Variants in FBXO31 observed in about 807,000 individuals in gnomAD.
FBXO31 encodes the protein F-box protein 31.
A neutral mutation model predicts 54.4 loss-of-function variants in FBXO31; 24 were observed. That is an observed-to-expected ratio of 0.44 (90% CI 0.32 to 0.62). The LOEUF is 0.62. Ranked by LOEUF, FBXO31 falls within the 20% of genes least tolerant of loss-of-function variation. The probability of loss-of-function intolerance (pLI) is 0.05; values close to 1 mark genes in which losing one functional copy is unlikely to be tolerated. For synonymous variants in FBXO31, 388 were observed against 335.6 expected (o/e 1.16, Z -1.71); for missense variants, 665 against 787.1 (o/e 0.84, Z 1.86).
intron 2 of FBXO31, 57 bp downstream of exon 2, chr16:87,360,238 C>T (rs753553294): frequency 2.8e-5 from 41 of 1,461,062 alleles, no homozygotes; most frequent in Non-Finnish European, 3.7e-5. Context: ...CATTGATGTG[C>T]ACTGTCTGCT....
At position 87,383,640 on chromosome 16, in the gene FBXO31, C is replaced by T. The variant is rs1907189419; in HGVS notation, c.105G>A (p.Pro35=). The T allele has an allele frequency of 1.5e-6, 2 of 1,363,668 alleles. No individual in the cohort carries two copies. The highest frequency in any genetic ancestry group is 3.3e-5 in the Admixed American group (1 of 30,018). The allele number at this position is 1,363,668 out of a possible 1,614,324, so 84.5% of individuals were successfully genotyped here. The change falls in exon 1 of 9, where the codon CCG becomes CCA. Residue 35 remains proline (P), a synonymous_variant. Transcript: ENST00000311635. This position sits in a 1 kb window ranked among gnomAD's most constrained non-coding sequence, Gnocchi z 4.9. The part of the protein sequence containing the change: ...PAETAAADSE[P]DTDPEEERIE... ...TGCGCTCCTCCTCGGGGTCTGTGTCCGGCTCGCTGTCGGCCGCCGCCGTCT... is the reference window on the plus strand; with the variant it reads ...TGCGCTCCTCCTCGGGGTCTGTGTCTGGCTCGCTGTCGGCCGCCGCCGTCT...
intron 1 of FBXO31, among the ~76,000 whole-genome samples, chr16:87,364,735 C>T (rs1242941264): frequency 6.6e-6 from 1 of 151,890 alleles, no homozygotes; most frequent in South Asian, 2.1e-4. Flanking sequence ...TTGCAGATTA[C>T]AAAACATTTT....
At chr16:87,369,434 G>A (rs1906503320) in intron 1 of FBXO31, among the ~76,000 whole-genome samples, 5 of 152,194 alleles carry the variant, frequency 3.3e-5, no homozygotes, top group Admixed American at 3.3e-4. Flanking sequence ...GTGGAAGCAT[G>A]CCGTACTTGT....
intron 3 of FBXO31, among the ~76,000 whole-genome samples, 193 bp from the exon 4 acceptor site, chr16:87,343,958 G>A (rs989712249): frequency 6.6e-6 from 1 of 152,262 alleles, no homozygotes; most frequent in Middle Eastern, 3.2e-3. Flanking sequence ...TGGACACCAG[G>A]AGGAGGCAGA....
Position 87,338,004 on chromosome 16 carries a change from T to C in FBXO31, c.733-1740A>G, listed in dbSNP as rs138322759. ...GAGGAAAGGCTCTTTAAATAACAGA[T>C]AGAAACAAAAGTAACTGAATGTAAT... On this transcript the variant is annotated intron_variant, in intron 5 of 8. Coordinates refer to ENST00000311635, the MANE Select transcript of FBXO31 (RefSeq NM_024735.5). The surrounding 1 kb of genome is among the most constrained non-coding windows in gnomAD (Gnocchi z 4.3). 2.0e-5 allele frequency among the ~76,000 whole-genome samples: 3 copies of C among 152,050 alleles called. No individual in the cohort carries two copies. The highest frequency in any genetic ancestry group is 2.9e-5 in the Non-Finnish European group (2 of 68,006).
At chr16:87,353,353 G>T (rs913726346) in intron 2 of FBXO31, among the ~76,000 whole-genome samples, 2 of 152,244 alleles carry the variant, frequency 1.3e-5, no homozygotes, top group Admixed American at 1.3e-4. Flanking sequence ...CCCCATTACT[G>T]TGGAGGCTGG....
rs771680404 is a variant in FBXO31, at chr16:87,335,358, C to T, written c.942G>A (p.Leu314=). The change falls in exon 7 of 9, where the codon CTG becomes CTA. Residue 314 remains leucine, a synonymous_variant. Transcript: ENST00000311635. This position sits in a 1 kb window ranked among gnomAD's most constrained non-coding sequence, Gnocchi z 5.7. ...CGTGGAAGCTGAGCATCACAATCTC[C>T]AGGCCGTGGCTGCCATAGGTACCTT... ...LFKGTYGSHG[L]EIVMLSFHGR... is the part of the protein sequence containing the mutation. 1 of 1,614,022 alleles carries T rather than the reference C, an allele frequency of 6.2e-7. No individual in the cohort carries two copies. Among genetic ancestry groups the T allele is most frequent in the Admixed American group, 1.7e-5 (1 of 60,032 alleles).
chr16:87,350,617 T>C (rs1905610607), intron 2 of FBXO31, among the ~76,000 whole-genome samples: 1 of 152,324 alleles, frequency 6.6e-6, no homozygotes, highest in East Asian at 1.9e-4. Context: ...CACAGATGGC[T>C]GCAGGGATGG....
rs765863600 is a variant in FBXO31, at chr16:87,346,632, C to T, written c.489+542G>A. Among the ~76,000 whole-genome samples the T allele has an allele frequency of 5.3e-5, 8 of 152,314 alleles. No individual in the cohort carries two copies. The highest frequency in any genetic ancestry group is 1.4e-4 in the African/African-American group (6 of 41,574). ...CGACTCTGCCACCAGCCTGGACTTC[C>T]GCCTGCAACGTTCTAGCACTTTCTA... is the stretch of plus-strand genomic sequence containing the variant. On this transcript the variant is annotated intron_variant, in intron 3 of 8. Transcript: ENST00000311635. This position sits in a 1 kb window ranked among gnomAD's most constrained non-coding sequence, Gnocchi z 4.2.
In FBXO31 at chr16:87,331,190, CAAAAG is replaced by C; in HGVS notation, c.*93_*97del. On this transcript the variant is annotated 3_prime_UTR_variant, in exon 9 of 9. Transcript: ENST00000311635. Reference sequence around the variant, plus strand: ...CCCCCGACGAGGTGTGCGTTCTGGTCAAAAGGCCGGATTTCCAAAGTGCATGCTGC... The same window carrying C: ...CCCCCGACGAGGTGTGCGTTCTGGTCGCCGGATTTCCAAAGTGCATGCTGC... The C allele has an allele frequency of 1.6e-6, 2 of 1,289,352 alleles. No individual in the cohort carries two copies. The highest frequency in any genetic ancestry group is 1.4e-5 in the South Asian group (1 of 73,234). The allele number at this position is 1,289,352 out of a possible 1,614,324, so 79.9% of individuals were successfully genotyped here.
In FBXO31 at chr16:87,360,403, C is replaced by T. The variant is rs76089114; in HGVS notation, c.341-37G>A. 4.4e-3 allele frequency: 6,989 copies of T among 1,592,532 alleles called. 22 individuals are homozygous for T. Among genetic ancestry groups the T allele is most frequent in the Non-Finnish European group, 5.1e-3 (5,947 of 1,162,058 alleles). On this transcript the variant is annotated intron_variant, in intron 1 of 8. Transcript: ENST00000311635. ...AACATTTGCAGAAATTTAAGATCAACAACTCATAACGCGACAGACGTGGGC... is the reference window on the plus strand; with the variant it reads ...AACATTTGCAGAAATTTAAGATCAATAACTCATAACGCGACAGACGTGGGC...
At chr16:87,387,936 A>G (rs1907382683), upstream of FBXO31, among the ~76,000 whole-genome samples, 1 of 152,246 alleles carries the variant, frequency 6.6e-6, no homozygotes, top group African/African-American at 2.4e-5. Flanking sequence ...AAGAAGGGAA[A>G]ATATTCAAAC....
At chr16:87,375,103 G>C (rs1477100117) in intron 1 of FBXO31, among the ~76,000 whole-genome samples, 1 of 152,176 alleles carries the variant, frequency 6.6e-6, no homozygotes, top group African/African-American at 2.4e-5. Flanking sequence ...CGGATCACAA[G>C]GTTAGGAGAT....
At chr16:87,375,939 C>T (rs1020550807) in intron 1 of FBXO31, among the ~76,000 whole-genome samples, 12 of 152,188 alleles carry the variant, frequency 7.9e-5, no homozygotes, top group African/African-American at 2.7e-4. Context: ...ACTCCACTTC[C>T]CCACATGCAG....
intron 8 of FBXO31, among the ~76,000 whole-genome samples, chr16:87,332,461 G>T (rs2150667128): frequency 6.6e-6 from 1 of 152,328 alleles, no homozygotes; most frequent in East Asian, 1.9e-4. Flanking sequence ...TGAGGTATTA[G>T]GAGTTCTGAG....
At chr16:87,363,498 G>C (rs959477208) in intron 1 of FBXO31, among the ~76,000 whole-genome samples, 5 of 152,220 alleles carry the variant, frequency 3.3e-5, no homozygotes, top group African/African-American at 9.7e-5. Context: ...GGAGGACCAA[G>C]GACTGGTAAG....
chr16:87,390,851 G>A (rs1034256485), upstream of FBXO31, among the ~76,000 whole-genome samples: 1 of 152,094 alleles, frequency 6.6e-6, no homozygotes, highest in Non-Finnish European at 1.5e-5. Context: ...CCCAGCCTCT[G>A]CCTCCCTGAG....
rs965027942 is a variant in FBXO31, at chr16:87,335,075, C to G, written c.996+229G>C. Among the ~76,000 whole-genome samples, 8 of 152,240 alleles carry G rather than the reference C, an allele frequency of 5.3e-5. No homozygotes were observed. Among genetic ancestry groups the G allele is most frequent in the Non-Finnish European group, 7.3e-5 (5 of 68,042 alleles). ...CTGAGCGGTGCTGTGGGAAGGCCACCTTGGAAGCACACAGACTCCCTGAGG... is the reference window on the plus strand; with the variant it reads ...CTGAGCGGTGCTGTGGGAAGGCCACGTTGGAAGCACACAGACTCCCTGAGG... On this transcript the variant is annotated intron_variant, in intron 7 of 8. Coordinates refer to ENST00000311635, the MANE Select transcript of FBXO31 (RefSeq NM_024735.5). This position sits in a 1 kb window ranked among gnomAD's most constrained non-coding sequence, Gnocchi z 5.7.
intron 1 of FBXO31, among the ~76,000 whole-genome samples, chr16:87,381,778 A>C (rs1463196250): frequency 6.6e-6 from 1 of 152,166 alleles, no homozygotes; most frequent in Non-Finnish European, 1.5e-5. Context: ...TAATCCCAAC[A>C]CTTTGGGAGG....
Sources: gnomAD v4.1 joint callset for allele counts (sites outside exome capture counted in the v4.1 genomes callset) on GRCh38, gnomAD v4.1.1 for gene constraint, Gnocchi (gnomAD v3.1) non-coding constraint, MANE v1.5 for transcripts, NCBI Gene and HGNC (gene_info 2026-07-23, HGNC 2026-07-21) for gene names.